PIGK: variants seen among roughly 807,000 people sequenced by gnomAD.
PIGK encodes GPI-anchor transamidase.
Under a neutral mutation model 50.6 loss-of-function variants are expected in PIGK, and 42 were observed. The ratio of observed to expected loss-of-function variants is 0.83; its 90% confidence interval spans 0.65 to 1.07. The LOEUF (loss-of-function observed/expected upper bound fraction) is 1.07. PIGK is among the 50% of genes least tolerant of loss of function. The pLI is 0.00. For missense variants in PIGK, 448 were observed against 488.7 expected (o/e 0.92, Z 0.78); for synonymous variants, 151 against 156.0 (o/e 0.97, Z 0.24).
intron 8 of PIGK, among the ~76,000 whole-genome samples, chr1:77,155,744 G>T (rs1654993006): frequency 1.3e-5 from 2 of 152,136 alleles, no homozygotes; most frequent in Admixed American, 1.3e-4. Context: ...TTATAGGCCT[G>T]CCAGGAAGGG....
intron 3 of PIGK, among the ~76,000 whole-genome samples, chr1:77,173,244 G>A (rs1655407160): frequency 6.6e-6 from 1 of 152,094 alleles, no homozygotes; most frequent in Non-Finnish European, 1.5e-5. Context: ...AAAACAATGA[G>A]GCTCCCAAAT....
At position 77,163,887 on chromosome 1, in the gene PIGK, T is replaced by C; in HGVS notation, c.543A>G (p.Ile181Met). The C allele has an allele frequency of 6.2e-7, 1 of 1,609,822 alleles. No homozygotes were observed. The highest frequency in any genetic ancestry group is 8.5e-7 in the Non-Finnish European group (1 of 1,177,606). Residue 181 changes from isoleucine to methionine, a missense_variant, in exon 6 of 11, where the codon ATA (isoleucine) becomes ATG (methionine). Physicochemically the swap from Ile to Met is conservative, Grantham distance 10. Coordinates refer to ENST00000370812, the MANE Select transcript of PIGK (RefSeq NM_005482.3). ...TTTGTTCAAAAGCATCCGCGAGTTC[T>C]ATGTTGGTAATTTCTTCAGAATCTT... ...KFQDSEEITN[I>M]ELADAFEQMW...
intron 3 of PIGK, among the ~76,000 whole-genome samples, chr1:77,172,978 T>G (rs1655402241): frequency 6.6e-6 from 1 of 152,206 alleles, no homozygotes; most frequent in African/African-American, 2.4e-5. Context: ...TCTACCCCTT[T>G]GTTTCATTTT....
intron 1 of PIGK, 77 bp from the exon 2 acceptor site, chr1:77,210,566 G>T: frequency 2.4e-6 from 2 of 845,264 alleles, no homozygotes; most frequent in East Asian, 2.7e-5. Context: ...GTTGAGACTC[G>T]TGTAGTTTTT....
chr1:77,129,761 G>A (rs928149798), intron 9 of PIGK: 30 of 760,808 alleles, frequency 3.9e-5, no homozygotes, highest in Non-Finnish European at 4.9e-5. Flanking sequence ...GCCCTTTACA[G>A]AAAAAGTTGC....
chr1:77,102,016 AT>A (rs1448956157), intron 10 of PIGK, among the ~76,000 whole-genome samples: 1 of 152,196 alleles, frequency 6.6e-6, no homozygotes, highest in Non-Finnish European at 1.5e-5. Context: ...CACAAAAAAA[AT>A]TCTTCTAAAA....
intron 10 of PIGK, among the ~76,000 whole-genome samples, chr1:77,104,432 TAAA>T (rs1202572245): frequency 6.6e-6 from 1 of 150,870 alleles, no homozygotes; most frequent in Non-Finnish European, 1.5e-5. Context: ...TCATATGAAA[TAAA>T]AAATACATTG....
chr1:77,216,372 C>T (rs1293697008), intron 1 of PIGK, among the ~76,000 whole-genome samples: 1 of 152,040 alleles, frequency 6.6e-6, no homozygotes, highest in Non-Finnish European at 1.5e-5. Flanking sequence ...TCAAGAATAT[C>T]AATTTTCATT....
At chr1:77,122,793 A>C (rs1010620067) in intron 9 of PIGK, among the ~76,000 whole-genome samples, 2 of 152,178 alleles carry the variant, frequency 1.3e-5, no homozygotes, top group Non-Finnish European at 2.9e-5. Flanking sequence ...TGGGACTTGC[A>C]CCTCCAGGAG....
At chr1:77,209,733 G>A (rs1368767175) in intron 2 of PIGK, among the ~76,000 whole-genome samples, 1 of 151,992 alleles carries the variant, frequency 6.6e-6, no homozygotes. Context: ...AGAAAATACA[G>A]CTTTTGGAAA....
chr1:77,177,641 T>C lies in PIGK; in HGVS notation c.240-8246A>G, dbSNP rs945692054. Among the ~76,000 whole-genome samples, 3 of 152,318 alleles carry C rather than the reference T, an allele frequency of 2.0e-5. No homozygotes were observed. The East Asian group carries it at 5.8e-4, about 29-fold the overall frequency. ...TCAGCTCTGAAGGCTGTGAGACCCC[T>C]GATTTCCCACTCCACACCTCTATAT... is the stretch of plus-strand genomic sequence containing the variant. On this transcript the variant is annotated intron_variant, in intron 3 of 10. Transcript: ENST00000370812.
chr1:77,161,631 G>T lies in PIGK; in HGVS notation c.665C>A (p.Ala222Asp). 6.4e-7 allele frequency: 1 copy of T among 1,568,180 alleles called. No individual in the cohort carries two copies. Among genetic ancestry groups the T allele is most frequent in the Non-Finnish European group, 8.8e-7 (1 of 1,138,240 alleles). The change falls in exon 7 of 11, where the codon GCT becomes GAT. Residue 222 changes from alanine to aspartate, a missense_variant. Physicochemically the swap from Ala to Asp is moderately radical, Grantham distance 126. Coordinates refer to ENST00000370812, the MANE Select transcript of PIGK (RefSeq NM_005482.3). Reference protein sequence around the residue: ...YERFYSPNIMALASSQVGEDS... With the variant: ...YERFYSPNIMDLASSQVGEDS... The stretch of plus-strand genomic sequence containing the variant: ...TTCTCCCACTTGACTACTAGCTAGA[G>T]CCATTATGTTAGGAGAATAAAATCG...
chr1:77,210,434 A>G lies in PIGK; in HGVS notation c.147+2T>C, dbSNP rs1299061672. 3 of 1,583,532 alleles carry G rather than the reference A, an allele frequency of 1.9e-6. No homozygotes were observed. Among genetic ancestry groups the G allele is most frequent in the African/African-American group, 2.7e-5 (2 of 74,194 alleles). ...CAAGGTATACTTTTACAGTATACTT[A>G]CCAGAACAGCCCAGTTGTTTGTATG... On this transcript the variant is annotated splice_donor_variant, in intron 2 of 10. Coordinates refer to ENST00000370812, the MANE Select transcript of PIGK (RefSeq NM_005482.3). LOFTEE classifies it high-confidence loss of function.
intron 3 of PIGK, among the ~76,000 whole-genome samples, chr1:77,180,874 A>C (rs952612187): frequency 6.6e-6 from 1 of 152,176 alleles, no homozygotes; most frequent in Non-Finnish European, 1.5e-5. Flanking sequence ...TGCCCTAAGC[A>C]GTTCCCAGCT....
intron 10 of PIGK, among the ~76,000 whole-genome samples, chr1:77,114,098 T>C (rs1021052321): frequency 1.3e-5 from 2 of 152,160 alleles, no homozygotes; most frequent in Non-Finnish European, 2.9e-5. Flanking sequence ...GAACATGAAT[T>C]ACACCTGTTG....
intron 3 of PIGK, among the ~76,000 whole-genome samples, chr1:77,171,666 T>C (rs1020631077): frequency 6.6e-6 from 1 of 152,030 alleles, no homozygotes; most frequent in African/African-American, 2.4e-5. Flanking sequence ...ATAATCAATA[T>C]ATTATAAAAC....
At chr1:77,131,919 T>C (rs968660468) in intron 9 of PIGK, among the ~76,000 whole-genome samples, 1 of 152,070 alleles carries the variant, frequency 6.6e-6, no homozygotes, top group Non-Finnish European at 1.5e-5. Flanking sequence ...GAAGCTTTTT[T>C]ATTCTGTTCA....
chr1:77,183,901 A>C (rs1655678541), intron 3 of PIGK, among the ~76,000 whole-genome samples: 1 of 152,146 alleles, frequency 6.6e-6, no homozygotes, highest in South Asian at 2.1e-4. Context: ...CCCAGCAGAG[A>C]GGATCCAGAA....
intron 10 of PIGK, among the ~76,000 whole-genome samples, chr1:77,098,971 A>T (rs1164763857): frequency 2.0e-5 from 3 of 152,196 alleles, no homozygotes; most frequent in Admixed American, 2.0e-4. Flanking sequence ...ACCCATTAAC[A>T]TGTTTAGAGG....
Sources: gnomAD v4.1 joint callset for allele counts (sites outside exome capture counted in the v4.1 genomes callset) on GRCh38, gnomAD v4.1.1 for gene constraint, MANE v1.5 for transcripts, NCBI Gene and HGNC (gene_info 2026-07-23, HGNC 2026-07-21) for gene names.